The following LRIT3 variants were observed in gnomAD, a reference collection of about 807,000 sequenced individuals.
LRIT3 encodes leucine rich repeat, Ig-like and transmembrane domains 3.
Under a neutral mutation model 22.6 loss-of-function variants are expected in LRIT3, and 14 were observed. The ratio of observed to expected loss-of-function variants is 0.62; its 90% CI spans 0.41 to 0.97. The LOEUF is 0.97. Among genes scored for constraint, LRIT3 ranks in the 50% least tolerant of loss-of-function variants. LRIT3 has a pLI of 0.00. For missense variants in LRIT3, 783 were observed against 803.0 expected, an observed-to-expected ratio of 0.98 and a Z score of 0.30; for synonymous variants, 306 against 304.5, an observed-to-expected ratio of 1.01 and a Z score of -0.05.
chr4:109,867,564 C>CGG, intron 2 of LRIT3, 77 bp from the exon 3 acceptor site: 1 of 1,332,840 alleles, frequency 7.5e-7, no homozygotes, highest in Non-Finnish European at 1.0e-6. Context: ...GTGTAGATCC[C>CGG]TACTTTCTCA....
chr4:109,851,271 A>C (rs758623083), intron 1 of LRIT3: 3 of 515,032 alleles, frequency 5.8e-6, no homozygotes, highest in Non-Finnish European at 1.0e-5. Context: ...GCCATATGGG[A>C]AAATGAGGTT....
At chr4:109,850,418 C>CTTTCTTTCTTTCTTTCTTT (rs1491056843) in intron 1 of LRIT3, among the ~76,000 whole-genome samples, 1,018 of 28,190 alleles carry the variant, frequency 0.036, 187 homozygotes, top group Admixed American at 0.046. Context: ...TTCCTTCCTT[C>CTTTCTTTCTTTCTTTCTTT]CTTCCTTTCT....
intron 2 of LRIT3, among the ~76,000 whole-genome samples, chr4:109,858,378 C>A (rs1734454324): frequency 6.6e-6 from 1 of 152,038 alleles, no homozygotes; most frequent in Non-Finnish European, 1.5e-5. Flanking sequence ...TGGTCATTTT[C>A]TTCTTTTTTG....
chr4:109,850,672 T>A (rs1734232551), intron 1 of LRIT3, among the ~76,000 whole-genome samples: 1 of 151,678 alleles, frequency 6.6e-6, no homozygotes, highest in African/African-American at 2.4e-5. Flanking sequence ...AGTCGGGGTT[T>A]CGTCATGTTG....
At chr4:109,852,469 G>A (rs530274062) in intron 2 of LRIT3, among the ~76,000 whole-genome samples, 1 of 152,318 alleles carries the variant, frequency 6.6e-6, no homozygotes, top group Non-Finnish European at 1.5e-5. Context: ...AAAAGAAATG[G>A]TGGAAACACC....
rs987253786 is a variant in LRIT3 at position 109,851,614 on chromosome 4, C to G, written c.227C>G (p.Ala76Gly). 2 of 1,551,514 alleles carry G rather than the reference C, an allele frequency of 1.3e-6. No homozygotes were observed. Among genetic ancestry groups the G allele is most frequent in the Admixed American group, 2.0e-5 (1 of 50,968 alleles). ...KTVIRRISAE[A>G]FYYLVELQYL... ...GTCATCCGCAGAATCTCTGCGGAGG[C>G]CTTCTATTACCTGGTGGAGCTCCAG... Residue 76 changes from alanine (A) to glycine (G), a missense_variant, in exon 2 of 4, where the codon GCC becomes GGC. Ala to Gly is a moderately conservative substitution (Grantham distance 60). Transcript: ENST00000594814.
chr4:109,848,536 T>C (rs1734132536), intron 1 of LRIT3, among the ~76,000 whole-genome samples: 1 of 152,206 alleles, frequency 6.6e-6, no homozygotes, highest in South Asian at 2.1e-4. Context: ...CTCAAGGTAT[T>C]GGAAATTTCT....
At chr4:109,863,523 G>A (rs189185224) in intron 2 of LRIT3, among the ~76,000 whole-genome samples, 40 of 152,300 alleles carry the variant, frequency 2.6e-4, no homozygotes, top group Non-Finnish European at 5.7e-4. Context: ...GGCAGACATT[G>A]ATTACCTTTT....
At chr4:109,858,225 A>G (rs1037528162) in intron 2 of LRIT3, among the ~76,000 whole-genome samples, 1 of 152,158 alleles carries the variant, frequency 6.6e-6, no homozygotes, top group Non-Finnish European at 1.5e-5. Context: ...CCCAATATGT[A>G]TAGTTTTTAA....
Position 109,851,522 on chromosome 4 carries a change from CA to C in LRIT3, c.136del (p.Met46TrpfsTer3). 1 of 1,544,640 alleles carries C rather than the reference CA, an allele frequency of 6.5e-7. No individual in the cohort carries two copies. Among genetic ancestry groups the C allele is most frequent in the Middle Eastern group, 1.8e-4 (1 of 5,536 alleles). ...SGSRLVLCND[M>X]DMNELPTNLP... ...ACACTAGGTTGGTGCTATGTAATGA[CA>C]TGGATATGAACGAGCTGCCTACGAA... is the stretch of plus-strand genomic sequence containing the variant. On this transcript the variant is annotated frameshift_variant, in exon 2 of 4. Coordinates refer to ENST00000594814, the MANE Select transcript of LRIT3 (RefSeq NM_198506.5). LOFTEE classifies it high-confidence loss of function.
chr4:109,862,753 G>A (rs1196436607), intron 2 of LRIT3, among the ~76,000 whole-genome samples: 1 of 152,138 alleles, frequency 6.6e-6, no homozygotes, highest in East Asian at 1.9e-4. Flanking sequence ...AGGCTGGAGT[G>A]CAGTGGCACA....
chr4:109,848,356 T>G, intron 1 of LRIT3, 39 bp downstream of exon 1: 1 of 1,144,052 alleles, frequency 8.7e-7, no homozygotes, highest in Non-Finnish European at 1.1e-6. Context: ...TCTCATTATT[T>G]TGACAAAAAG....
intron 2 of LRIT3, among the ~76,000 whole-genome samples, chr4:109,861,756 G>A (rs962705995): frequency 6.6e-6 from 1 of 151,800 alleles, no homozygotes; most frequent in African/African-American, 2.4e-5. Flanking sequence ...TTTTTTCCTG[G>A]TGTCTTTAGT....
chr4:109,851,925 G>A lies in LRIT3; in HGVS notation c.538G>A (p.Val180Ile), dbSNP rs2125897282. The change falls in exon 2 of 4, where the codon GTT becomes ATT. Residue 180 changes from valine (V) to isoleucine (I), a missense_variant. Physicochemically the swap from Val to Ile is conservative, Grantham distance 29. This residue lies in a region of LRIT3 where 756 missense variants were observed against 753.8 expected (regional missense o/e 1.00). Transcript: ENST00000594814. ...TTTCCTGGAGAGCTGGACTCATTTA[G>A]TTTCAACACCTTCTGGAGTCCTGGA... The part of the protein sequence containing the change: ...PDFLESWTHL[V>I]STPSGVLDLS... 6.4e-7 allele frequency: 1 copy of A among 1,551,550 alleles called. No individual in the cohort carries two copies. The highest frequency in any genetic ancestry group is 2.0e-5 in the Admixed American group (1 of 50,992).
chr4:109,863,469 G>A (rs553027251), intron 2 of LRIT3, among the ~76,000 whole-genome samples: 73 of 152,266 alleles, frequency 4.8e-4, no homozygotes, highest in African/African-American at 1.6e-3. Flanking sequence ...GCTTAGTGCC[G>A]TTGTTCTTTG....
At chr4:109,851,294 A>G in intron 1 of LRIT3, 2 of 571,554 alleles carry the variant, frequency 3.5e-6, no homozygotes, top group Non-Finnish European at 6.1e-6. Context: ...GACACTGGTG[A>G]AGTGGTTTTC....
intron 2 of LRIT3, chr4:109,865,268 T>G: frequency 1.3e-6 from 2 of 1,587,544 alleles, no homozygotes; most frequent in Non-Finnish European, 8.6e-7. Flanking sequence ...CCAGGCACAG[T>G]AAAGTTGGTG....
rs1734117831 is a variant in LRIT3, at chr4:109,848,153, C to T, written c.-49C>T. 9.8e-7 allele frequency: 1 copy of T among 1,023,900 alleles called. No homozygotes were observed. Among genetic ancestry groups the T allele is most frequent in the East Asian group, 3.3e-5 (1 of 30,656 alleles). The allele number at this position is 1,023,900 out of a possible 1,614,324, so 63.4% of individuals were successfully genotyped here. A position where few individuals can be genotyped will look rare whatever the true frequency, so the allele number is the denominator to read the frequency against. The stretch of plus-strand genomic sequence containing the variant: ...TTCCAGGCATACCAGGTTCTGAATG[C>T]TTAGGATTCGGTTTTTACCTTTTGT... On this transcript the variant is annotated 5_prime_UTR_variant, in exon 1 of 4. Transcript: ENST00000594814.
rs769080143 is a variant in LRIT3, at chr4:109,851,939, T to C, written c.552T>C (p.Ser184=). 2 of 1,551,304 alleles carry C rather than the reference T, an allele frequency of 1.3e-6. No individual in the cohort carries two copies. Among genetic ancestry groups the C allele is most frequent in the Middle Eastern group, 1.7e-4 (1 of 6,014 alleles). The change falls in exon 2 of 4, where the codon TCT becomes TCC. Residue 184 remains serine, a synonymous_variant. Transcript: ENST00000594814. ...GGACTCATTTAGTTTCAACACCTTC[T>C]GGAGTCCTGGACCTTTCCCCAAGCA... The part of the protein sequence containing the change: ...ESWTHLVSTP[S]GVLDLSPSRI...
Sources: gnomAD v4.1 joint callset for allele counts (sites outside exome capture counted in the v4.1 genomes callset) on GRCh38, gnomAD v4.1.1 for gene constraint, gnomAD v4.1.1 regional missense constraint, MANE v1.5 for transcripts, NCBI Gene and HGNC (gene_info 2026-07-23, HGNC 2026-07-21) for gene names.